The following NRXN1 variants were observed in gnomAD, a reference collection of about 807,000 sequenced individuals.
NRXN1 encodes the protein neurexin 1, also known as neurexin-1.
Under a neutral mutation model 150.9 loss-of-function variants are expected in NRXN1, and 39 were observed. The observed-to-expected ratio is 0.26, with a 90% confidence interval of 0.20 to 0.34. NRXN1 has a LOEUF of 0.34. Among genes scored for constraint, NRXN1 ranks in the 10% least tolerant of loss-of-function variants. The probability of loss-of-function intolerance (pLI) is 1.00; values close to 1 mark genes in which losing one functional copy is unlikely to be tolerated. For synonymous variants in NRXN1, 924 were observed against 757.0 expected (o/e 1.22, Z -3.62); for missense variants, 1,815 against 1,949.9 (o/e 0.93, Z 1.30).
chr2:50,433,714 G>C (rs1159361501), intron 17 of NRXN1, among the ~76,000 whole-genome samples: 1 of 151,268 alleles, frequency 6.6e-6, no homozygotes, highest in Non-Finnish European at 1.5e-5. Context: ...AGGATGGAAG[G>C]AGTTGGGGAG....
At chr2:50,420,206 A>C (rs1283377987) in intron 17 of NRXN1, among the ~76,000 whole-genome samples, 1 of 152,074 alleles carries the variant, frequency 6.6e-6, no homozygotes. Flanking sequence ...AAGGCAATTC[A>C]AATCAAAGTG....
At chr2:49,983,578 G>C (rs1041322256) in intron 21 of NRXN1, among the ~76,000 whole-genome samples, 2 of 152,080 alleles carry the variant, frequency 1.3e-5, no homozygotes, top group African/African-American at 4.8e-5. Flanking sequence ...TATGCTGTGA[G>C]TCAGATCTTT....
At chr2:50,885,486 C>G (rs1559393497) in intron 5 of NRXN1, among the ~76,000 whole-genome samples, 1 of 150,720 alleles carries the variant, frequency 6.6e-6, no homozygotes, top group Admixed American at 6.6e-5. Context: ...TATTTTATAC[C>G]TGAATAAGAA....
chr2:50,828,101 G>A (rs201513722), intron 5 of NRXN1, among the ~76,000 whole-genome samples: 53,391 of 149,630 alleles, frequency 0.36, 10,571 homozygotes, highest in Non-Finnish European at 0.47. Flanking sequence ...ATCATGGCCC[G>A]TTCTCAATGA....
chr2:51,012,671 C>T (rs1041437101), intron 2 of NRXN1, among the ~76,000 whole-genome samples: 1 of 152,008 alleles, frequency 6.6e-6, no homozygotes, highest in African/African-American at 2.4e-5. Flanking sequence ...CCTAACATCT[C>T]ACCTCCTCCT....
chr2:50,325,028 G>A (rs1450553324), intron 17 of NRXN1, among the ~76,000 whole-genome samples: 1 of 152,056 alleles, frequency 6.6e-6, no homozygotes, highest in African/African-American at 2.4e-5. Context: ...AGAACATTTG[G>A]GACTGGGGAA....
At chr2:50,422,352 G>T (rs2084066635) in intron 17 of NRXN1, among the ~76,000 whole-genome samples, 1 of 151,926 alleles carries the variant, frequency 6.6e-6, no homozygotes, top group African/African-American at 2.4e-5. Context: ...TTTTAATAAG[G>T]ACAATGTATT....
At chr2:51,030,536 A>ACACACC (rs2105349693) in intron 1 of NRXN1, among the ~76,000 whole-genome samples, 1 of 14,244 alleles carries the variant, frequency 7.0e-5, no homozygotes, top group East Asian at 2.2e-3. Context: ...CTCTCTTTCA[A>ACACACC]CACACACACA....
intron 21 of NRXN1, among the ~76,000 whole-genome samples, chr2:50,020,916 A>T (rs1430243980): frequency 6.6e-6 from 1 of 152,172 alleles, no homozygotes; most frequent in Non-Finnish European, 1.5e-5. Context: ...CAATTTTTCT[A>T]GAAAAAGAAA....
At chr2:50,227,215 C>T (rs1048217840) in intron 18 of NRXN1, among the ~76,000 whole-genome samples, 5 of 150,292 alleles carry the variant, frequency 3.3e-5, no homozygotes, top group Non-Finnish European at 4.4e-5. Context: ...TTTTTCCAGA[C>T]GTTTGACTTT....
intron 15 of NRXN1, among the ~76,000 whole-genome samples, chr2:50,481,743 A>G (rs2104788529): frequency 7.6e-6 from 1 of 132,294 alleles, no homozygotes; most frequent in South Asian, 2.7e-4. Context: ...TTCTTTCAAT[A>G]TTCTGAACTT....
intron 17 of NRXN1, among the ~76,000 whole-genome samples, chr2:50,267,859 G>A (rs1009863329): frequency 2.0e-5 from 3 of 152,020 alleles, no homozygotes; most frequent in African/African-American, 7.2e-5. Flanking sequence ...TCCAAGAAGA[G>A]AGAGATCCAG....
chr2:50,251,500 G>A (rs771955321), intron 17 of NRXN1, among the ~76,000 whole-genome samples: 15 of 152,082 alleles, frequency 9.9e-5, no homozygotes, highest in East Asian at 7.7e-4. Flanking sequence ...TTAAGTGTAC[G>A]TGTATCTTTA....
In NRXN1 at chr2:50,347,639, G is replaced by A; in HGVS notation, c.3365-110669C>T. 1 of 996,458 alleles carries A rather than the reference G, an allele frequency of 1.0e-6. No homozygotes were observed. Among genetic ancestry groups the A allele is most frequent in the African/African-American group, 1.7e-5 (1 of 57,380 alleles). 61.7% of individuals were successfully genotyped at this position (996,458 alleles called of 1,614,324 possible). On this transcript the variant is annotated intron_variant, in intron 17 of 22. Transcript: ENST00000401669. This position sits in a 1 kb window ranked among gnomAD's most constrained non-coding sequence, Gnocchi z 4.9. ...TTACGCCCGGCGAGGGGTTCAGAGG[G>A]AAGAGTGCGCCCTTCTGAAGGAAGT...
intron 21 of NRXN1, among the ~76,000 whole-genome samples, chr2:50,044,432 G>T (rs1691491243): frequency 6.6e-6 from 1 of 152,152 alleles, no homozygotes; most frequent in Non-Finnish European, 1.5e-5. Flanking sequence ...ATGCAACTTA[G>T]ATTTTAAAGA....
intron 5 of NRXN1, among the ~76,000 whole-genome samples, chr2:50,869,717 T>C (rs929275823): frequency 5.3e-5 from 8 of 151,978 alleles, no homozygotes; most frequent in Admixed American, 2.6e-4. Context: ...GTTATGTCAC[T>C]AGATTTTGAA....
intron 17 of NRXN1, among the ~76,000 whole-genome samples, chr2:50,428,518 T>A (rs2084685264): frequency 6.6e-6 from 1 of 152,228 alleles, no homozygotes; most frequent in Non-Finnish European, 1.5e-5. Context: ...GTAAATACAT[T>A]TAAATTGTTC....
chr2:50,878,647 A>C (rs989403599), intron 5 of NRXN1, among the ~76,000 whole-genome samples: 2 of 151,988 alleles, frequency 1.3e-5, no homozygotes, highest in Non-Finnish European at 1.5e-5. Context: ...GATGAAGAAG[A>C]AATTGCTCAT....
At chr2:50,482,754 A>G (rs953622458) in intron 15 of NRXN1, among the ~76,000 whole-genome samples, 7 of 152,206 alleles carry the variant, frequency 4.6e-5, no homozygotes, top group African/African-American at 1.7e-4. Flanking sequence ...TAGGAGGTCC[A>G]CATAAGATAC....
Sources: allele counts gnomAD v4.1 joint callset (sites outside exome capture counted in the v4.1 genomes callset), GRCh38; gene constraint gnomAD v4.1.1; non-coding constraint Gnocchi (gnomAD v3.1); transcripts MANE v1.5; gene names NCBI Gene and HGNC (gene_info 2026-07-23, HGNC 2026-07-21).